RALGAPA1: variants seen among roughly 807,000 people sequenced by gnomAD.
RALGAPA1 encodes Ral GTPase activating protein catalytic subunit alpha 1.
RALGAPA1 carries 52 observed loss-of-function variants against 269.6 expected under a neutral mutation model. The ratio of observed to expected loss-of-function variants is 0.19; its 90% CI spans 0.15 to 0.24. RALGAPA1 has a LOEUF of 0.24. Ranked by LOEUF, RALGAPA1 falls within the 10% of genes least tolerant of loss-of-function variation. The probability of loss-of-function intolerance (pLI) is 1.00; values close to 1 mark genes in which losing one functional copy is unlikely to be tolerated. For synonymous variants in RALGAPA1, 817 were observed against 1,008.3 expected (o/e 0.81, Z 3.60); for missense variants, 1,917 against 3,013.9 (o/e 0.64, Z 8.52).
At chr14:35,698,541 G>T (rs2067083025) in intron 17 of RALGAPA1, among the ~76,000 whole-genome samples, 1 of 151,910 alleles carries the variant, frequency 6.6e-6, no homozygotes, top group African/African-American at 2.4e-5. Context: ...GTGGCCAAGA[G>T]AATTCAAATT....
intron 39 of RALGAPA1, among the ~76,000 whole-genome samples, chr14:35,551,670 T>C (rs568206162): frequency 2.0e-5 from 3 of 152,200 alleles, no homozygotes; most frequent in Admixed American, 6.5e-5. Context: ...ATTTCCAATG[T>C]AGTAAATTCA....
intron 37 of RALGAPA1, among the ~76,000 whole-genome samples, chr14:35,584,931 T>C (rs759787717): frequency 1.3e-5 from 2 of 152,176 alleles, no homozygotes; most frequent in Non-Finnish European, 1.5e-5. Context: ...TAAAAACATA[T>C]ATATTGTCTA....
intron 41 of RALGAPA1, among the ~76,000 whole-genome samples, chr14:35,543,425 T>C (rs757182145): frequency 6.6e-6 from 1 of 152,200 alleles, no homozygotes; most frequent in African/African-American, 2.4e-5. Context: ...CAAAATATTA[T>C]TGTTCAAATG....
rs768872349 is a variant in RALGAPA1, at chr14:35,548,548, GA to G, written c.7622-11del. ...ACTGATATTTAATGATCTAAAGAGG[GA>G]AAATAAATGAAACAATCATAAGGAG... On this transcript the variant is annotated splice_polypyrimidine_tract_variant and intron_variant, in intron 40 of 41. Coordinates refer to ENST00000680220, the MANE Select transcript of RALGAPA1 (RefSeq NM_001346249.2). The G allele has an allele frequency of 6.5e-7, 1 of 1,544,620 alleles. No individual in the cohort carries two copies. The highest frequency in any genetic ancestry group is 1.2e-5 in the South Asian group (1 of 85,584).
chr14:35,559,560 A>T (rs751628522), intron 39 of RALGAPA1, among the ~76,000 whole-genome samples: 1 of 152,140 alleles, frequency 6.6e-6, no homozygotes. Flanking sequence ...GCAAACTTCA[A>T]GTTTCGTTGT....
intron 35 of RALGAPA1, among the ~76,000 whole-genome samples, chr14:35,614,461 C>A (rs933730749): frequency 1.3e-5 from 2 of 152,000 alleles, no homozygotes; most frequent in Non-Finnish European, 2.9e-5. Context: ...AAAGCTGCCA[C>A]AAAAACCCAC....
At chr14:35,751,959 C>A (rs1331805110) in intron 8 of RALGAPA1, 65 bp downstream of exon 8, 17 of 1,528,508 alleles carry the variant, frequency 1.1e-5, no homozygotes, top group Non-Finnish European at 1.5e-5. Context: ...CAAATGCCAA[C>A]TTTACAGTAA....
intron 1 of RALGAPA1, among the ~76,000 whole-genome samples, chr14:35,803,130 C>T (rs1021052926): frequency 2.6e-5 from 4 of 152,132 alleles, no homozygotes; most frequent in Non-Finnish European, 4.4e-5. Flanking sequence ...TCAAACACTG[C>T]GGTACTGGCA....
chr14:35,625,244 A>C, intron 35 of RALGAPA1, 117 bp downstream of exon 35: 3 of 630,592 alleles, frequency 4.8e-6, no homozygotes, highest in Non-Finnish European at 7.4e-6. Flanking sequence ...TTTTGCTCAG[A>C]AAGTTATAAA....
intron 10 of RALGAPA1, among the ~76,000 whole-genome samples, chr14:35,744,365 C>T (rs1404917874): frequency 5.2e-5 from 4 of 77,626 alleles, no homozygotes; most frequent in African/African-American, 2.1e-4. Context: ...GAACAAGACT[C>T]CATCTCAAAA....
chr14:35,618,749 T>A (rs1417526912), intron 35 of RALGAPA1, among the ~76,000 whole-genome samples: 1 of 152,064 alleles, frequency 6.6e-6, no homozygotes, highest in Non-Finnish European at 1.5e-5. Flanking sequence ...CACTTCAGTG[T>A]TTGTAAACAA....
chr14:35,783,256 A>G (rs956600511), intron 1 of RALGAPA1, among the ~76,000 whole-genome samples: 3 of 152,200 alleles, frequency 2.0e-5, no homozygotes, highest in African/African-American at 4.8e-5. Context: ...CCTTACACTG[A>G]TGATCAACTG....
At chr14:35,570,476 C>T (rs1448799214) in intron 39 of RALGAPA1, 141 bp downstream of exon 39, 2 of 692,556 alleles carry the variant, frequency 2.9e-6, no homozygotes, top group African/African-American at 3.8e-5. Flanking sequence ...TCCCGGGAAA[C>T]ATAATGATAC....
At chr14:35,577,574 T>C (rs1464435683) in intron 37 of RALGAPA1, among the ~76,000 whole-genome samples, 1 of 152,202 alleles carries the variant, frequency 6.6e-6, no homozygotes, top group Non-Finnish European at 1.5e-5. Context: ...TTATAAGCCA[T>C]TCAGTCTATG....
chr14:35,753,457 G>T (rs2072906103), intron 7 of RALGAPA1, among the ~76,000 whole-genome samples: 1 of 152,104 alleles, frequency 6.6e-6, no homozygotes, highest in Admixed American at 6.6e-5. Context: ...ATCGGCTGAT[G>T]AAGAGATAAA....
intron 22 of RALGAPA1, chr14:35,677,170 A>G (rs1408971215): frequency 6.6e-6 from 1 of 152,320 alleles, no homozygotes; most frequent in Admixed American, 6.5e-5. Context: ...CCTCACCTCT[A>G]CAGTTAGTTT....
chr14:35,585,146 C>A (rs1173736620), intron 37 of RALGAPA1, among the ~76,000 whole-genome samples: 1 of 152,046 alleles, frequency 6.6e-6, no homozygotes, highest in Non-Finnish European at 1.5e-5. Flanking sequence ...CATGTAGGTG[C>A]CTAACAACAA....
intron 5 of RALGAPA1, 114 bp from the exon 6 acceptor site, chr14:35,761,120 G>T: frequency 1.4e-6 from 1 of 707,320 alleles, no homozygotes; most frequent in Admixed American, 3.1e-5. Flanking sequence ...GAGAGGCAGG[G>T]TAGGGAAGGA....
At chr14:35,733,696 C>T (rs2070718790) in intron 12 of RALGAPA1, among the ~76,000 whole-genome samples, 1 of 151,926 alleles carries the variant, frequency 6.6e-6, no homozygotes, top group Non-Finnish European at 1.5e-5. Context: ...AACCCAAACC[C>T]AGCAGAAGAA....
Sources: gnomAD v4.1 joint callset for allele counts (sites outside exome capture counted in the v4.1 genomes callset) on GRCh38, gnomAD v4.1.1 for gene constraint, MANE v1.5 for transcripts, NCBI Gene and HGNC (gene_info 2026-07-23, HGNC 2026-07-21) for gene names.